The following KCNK5 variants were observed in gnomAD, a reference collection of about 807,000 sequenced individuals.
KCNK5 encodes the protein potassium two pore domain channel subfamily K member 5.
A neutral mutation model predicts 32.9 loss-of-function variants in KCNK5; 18 were observed. The ratio of observed to expected loss-of-function variants is 0.55; its 90% CI spans 0.38 to 0.81. KCNK5 has a LOEUF of 0.81. KCNK5 is among the 30% of genes least tolerant of loss of function. The probability of loss-of-function intolerance (pLI) is 0.00; values close to 1 mark genes in which losing one functional copy is unlikely to be tolerated. For synonymous variants in KCNK5, 276 were observed against 275.3 expected (o/e 1.00, Z -0.03); for missense variants, 507 against 651.0 (o/e 0.78, Z 2.41).
rs756847614 is a variant in KCNK5 at position 39,214,059 on chromosome 6, C to T, written c.186+14867G>A. On this transcript the variant is annotated intron_variant, in intron 1 of 4. Transcript: ENST00000359534. ...AAAGATGTGTACACAATAACCCCAA[C>T]GGTGGGTAGGTGGAGATGGAGGGTT... is the stretch of plus-strand genomic sequence containing the variant. 9.9e-5 allele frequency among the ~76,000 whole-genome samples: 15 copies of T among 151,988 alleles called. No homozygotes were observed. In the East Asian group the frequency reaches 1.5e-3, roughly 16 times the overall value.
rs531778610 is a variant in KCNK5, at chr6:39,191,246, C to T, written c.1144G>A (p.Glu382Lys). 1.9e-6 allele frequency: 3 copies of T among 1,614,160 alleles called. No individual in the cohort carries two copies. The highest frequency in any genetic ancestry group is 2.7e-5 in the African/African-American group (2 of 75,080). Residue 382 changes from glutamate to lysine, a missense_variant, in exon 5 of 5, where the codon GAA becomes AAA. Coordinates refer to ENST00000359534, the MANE Select transcript of KCNK5 (RefSeq NM_003740.4). This position sits in a 1 kb window ranked among gnomAD's most constrained non-coding sequence, Gnocchi z 5.8. ...PDEEAVARAP[E>K]DSSPAPEVFM... Reference sequence around the variant, plus strand: ...ACCTCGGGGGCAGGGGAGCTGTCTTCAGGGGCCCGTGCCACAGCCTCCTCA... The same window carrying T: ...ACCTCGGGGGCAGGGGAGCTGTCTTTAGGGGCCCGTGCCACAGCCTCCTCA...
At chr6:39,228,222 T>A (rs990018991) in intron 1 of KCNK5, among the ~76,000 whole-genome samples, 1 of 152,126 alleles carries the variant, frequency 6.6e-6, no homozygotes, top group East Asian at 1.9e-4. Context: ...ATAAAGGGAC[T>A]ACGCGGGTAT....
chr6:39,208,692 T>C (rs1225786068), intron 1 of KCNK5, among the ~76,000 whole-genome samples: 1 of 152,328 alleles, frequency 6.6e-6, no homozygotes, highest in African/African-American at 2.4e-5. Flanking sequence ...CTTTCTGCCA[T>C]GATGACCCCC....
At chr6:39,220,205 G>A (rs1414423217) in intron 1 of KCNK5, among the ~76,000 whole-genome samples, 3 of 152,146 alleles carry the variant, frequency 2.0e-5, no homozygotes, top group Admixed American at 6.6e-5. Context: ...TTCTCTCCCA[G>A]ACTCAGGGGG....
intron 1 of KCNK5, among the ~76,000 whole-genome samples, chr6:39,203,934 G>C (rs149691866): frequency 6.6e-6 from 1 of 152,198 alleles, no homozygotes; most frequent in South Asian, 2.1e-4. Flanking sequence ...CTCTCCCCCC[G>C]GGTCAGGTGA....
At chr6:39,216,706 T>C (rs569052965) in intron 1 of KCNK5, among the ~76,000 whole-genome samples, 11 of 152,222 alleles carry the variant, frequency 7.2e-5, no homozygotes, top group Non-Finnish European at 1.5e-4. Flanking sequence ...GTCGACATGA[T>C]GTAGGCCACG....
In KCNK5 at chr6:39,194,851, TA is replaced by T; in HGVS notation, c.299-92del. Reference sequence around the variant, plus strand: ...CACACACACAGCCCGTTCTCTAAGATAAATTGATATTGATCTATTGTCAGTA... The same window carrying T: ...CACACACACAGCCCGTTCTCTAAGATAATTGATATTGATCTATTGTCAGTA... On this transcript the variant is annotated intron_variant, in intron 2 of 4. Coordinates refer to ENST00000359534, the MANE Select transcript of KCNK5 (RefSeq NM_003740.4). This position sits in a 1 kb window ranked among gnomAD's most constrained non-coding sequence, Gnocchi z 4.7. 9.5e-7 allele frequency: 1 copy of T among 1,047,988 alleles called. No individual in the cohort carries two copies. Among genetic ancestry groups the T allele is most frequent in the African/African-American group, 1.6e-5 (1 of 63,290 alleles). 64.9% of individuals were successfully genotyped at this position (1,047,988 alleles called of 1,614,324 possible).
rs1339017804 is a variant in KCNK5, at chr6:39,229,244, C to G, written c.-133G>C. 1 of 884,624 alleles carries G rather than the reference C, an allele frequency of 1.1e-6. No homozygotes were observed. The highest frequency in any genetic ancestry group is 1.7e-6 in the Non-Finnish European group (1 of 590,896). The allele number at this position is 884,624 out of a possible 1,614,324, so 54.8% of individuals were successfully genotyped here. A position where few individuals can be genotyped will look rare whatever the true frequency, so the allele number is the denominator to read the frequency against. On this transcript the variant is annotated 5_prime_UTR_variant, in exon 1 of 5. Coordinates refer to ENST00000359534, the MANE Select transcript of KCNK5 (RefSeq NM_003740.4). The stretch of plus-strand genomic sequence containing the variant: ...ATGCGCAGTGCCCGGTACTCACCCC[C>G]CGCAAGCACCGCTCCCCGGACAGAG...
chr6:39,201,107 G>T (rs1038836232), intron 1 of KCNK5, among the ~76,000 whole-genome samples: 1 of 152,192 alleles, frequency 6.6e-6, no homozygotes, highest in African/African-American at 2.4e-5. Context: ...TGCTCTGCAG[G>T]ATACAGCCTT....
chr6:39,208,079 C>G (rs553987752), intron 1 of KCNK5, among the ~76,000 whole-genome samples: 1 of 152,288 alleles, frequency 6.6e-6, no homozygotes, highest in East Asian at 1.9e-4. Context: ...CCCTCTCCCC[C>G]TGTGCCTGTG....
chr6:39,227,459 TAAAC>T (rs1327564787), intron 1 of KCNK5, among the ~76,000 whole-genome samples: 12 of 151,340 alleles, frequency 7.9e-5, no homozygotes, highest in Non-Finnish European at 1.5e-4. Context: ...TGTTAGGAGG[TAAAC>T]CAACCAACCA....
rs145125878 is a variant in KCNK5 at position 39,210,101 on chromosome 6, A to T, written c.187-14114T>A. On this transcript the variant is annotated intron_variant, in intron 1 of 4. Transcript: ENST00000359534. ...GCCAGGTTTCTAAGTCAGGCAGGGGAGCAGGCCCTATGCCTCACACAGCTG... is the reference window on the plus strand; with the variant it reads ...GCCAGGTTTCTAAGTCAGGCAGGGGTGCAGGCCCTATGCCTCACACAGCTG... Among the ~76,000 whole-genome samples, 259 of 152,264 alleles carry T rather than the reference A, an allele frequency of 1.7e-3. 2 individuals are homozygous for T. Among genetic ancestry groups the T allele is most frequent in the African/African-American group, 5.8e-3 (242 of 41,546 alleles).
At chr6:39,196,344 A>G (rs1433238849) in intron 1 of KCNK5, among the ~76,000 whole-genome samples, 1 of 152,178 alleles carries the variant, frequency 6.6e-6, no homozygotes, top group East Asian at 1.9e-4. Context: ...ATTTCTAAAC[A>G]TGTTCCCAGG....
chr6:39,229,148 CT>C lies in KCNK5; in HGVS notation c.-38del. On this transcript the variant is annotated 5_prime_UTR_variant, in exon 1 of 5. Transcript: ENST00000359534. ...GGCCGCCTCCTAGAGAAAGCCTCTC[CT>C]AGCCCCAGCTGCTACCAGTCCGCCC... 6.2e-7 allele frequency: 1 copy of C among 1,605,106 alleles called. No homozygotes were observed. Among genetic ancestry groups the C allele is most frequent in the Non-Finnish European group, 8.5e-7 (1 of 1,174,976 alleles).
At position 39,190,583 on chromosome 6, in the gene KCNK5, A is replaced by C; in HGVS notation, c.*307T>G. 4 of 265,696 alleles carry C rather than the reference A, an allele frequency of 1.5e-5. No homozygotes were observed. The highest frequency in any genetic ancestry group is 1.4e-5 in the Non-Finnish European group (2 of 140,854). The allele number at this position is 265,696 out of a possible 1,614,324, so 16.5% of individuals were successfully genotyped here. ...TGGTGAGACAAAGACCCTGCAGGCA[A>C]GGCCTCCTCAGGGTCAGTCCTGCCC... On this transcript the variant is annotated 3_prime_UTR_variant, in exon 5 of 5. Transcript: ENST00000359534.
At position 39,191,438 on chromosome 6, in the gene KCNK5, C is replaced by T. The variant is rs754042548; in HGVS notation, c.952G>A (p.Gly318Ser). The change falls in exon 5 of 5, where the codon GGT becomes AGT. Residue 318 changes from glycine to serine, a missense_variant. Gly to Ser is a moderately conservative substitution (Grantham distance 56). Transcript: ENST00000359534. The surrounding 1 kb of genome is among the most constrained non-coding windows in gnomAD (Gnocchi z 5.8). ...CCTGGGCCCGGGCCCGTCTCCCCAC[C>T]CCCGCTTGTCTTCATGGCCTTCTTC... ...IGKKAMKTSG[G>S]GETGPGPGLG... is the part of the protein sequence containing the mutation. 2 of 1,613,334 alleles carry T rather than the reference C, an allele frequency of 1.2e-6. No homozygotes were observed. Among genetic ancestry groups the T allele is most frequent in the East Asian group, 2.2e-5 (1 of 44,844 alleles).
chr6:39,198,083 C>A (rs9394578), intron 1 of KCNK5, among the ~76,000 whole-genome samples: 37,964 of 152,162 alleles, frequency 0.25, 4,834 homozygotes, highest in South Asian at 0.29. Flanking sequence ...TCACCCAGAA[C>A]AAGTCATGCT....
intron 1 of KCNK5, among the ~76,000 whole-genome samples, chr6:39,198,004 A>C (rs1454912905): frequency 6.6e-6 from 1 of 152,226 alleles, no homozygotes; most frequent in Non-Finnish European, 1.5e-5. Flanking sequence ...GCAAACTTCA[A>C]AATGGGGAGA....
intron 1 of KCNK5, among the ~76,000 whole-genome samples, chr6:39,214,292 C>A (rs1342696357): frequency 2.0e-5 from 3 of 152,178 alleles, no homozygotes; most frequent in Non-Finnish European, 4.4e-5. Flanking sequence ...CATGCTTTCA[C>A]CAGGCAACCT....
Sources: allele counts gnomAD v4.1 joint callset (sites outside exome capture counted in the v4.1 genomes callset), GRCh38; gene constraint gnomAD v4.1.1; non-coding constraint Gnocchi (gnomAD v3.1); transcripts MANE v1.5; gene names NCBI Gene and HGNC (gene_info 2026-07-23, HGNC 2026-07-21).